EPB41L2: variants seen among roughly 807,000 people sequenced by gnomAD.
EPB41L2 encodes the protein erythrocyte membrane protein band 4.1 like 2.
A neutral mutation model predicts 113.0 loss-of-function variants in EPB41L2; 43 were observed. That is an observed-to-expected ratio of 0.38 (90% CI 0.30 to 0.49). The LOEUF (loss-of-function observed/expected upper bound fraction) is 0.49. EPB41L2 is among the 20% of genes least tolerant of loss of function. The pLI is 0.95. For missense variants in EPB41L2, 1,147 were observed against 1,223.4 expected (o/e 0.94, Z 0.93); for synonymous variants, 442 against 436.7 (o/e 1.01, Z -0.15).
intron 18 of EPB41L2, among the ~76,000 whole-genome samples, chr6:130,860,830 G>A (rs988164672): frequency 2.0e-5 from 3 of 151,448 alleles, no homozygotes; most frequent in African/African-American, 4.9e-5. Flanking sequence ...CACCGCGCCC[G>A]GCTCTTACTG....
intron 1 of EPB41L2, among the ~76,000 whole-genome samples, chr6:131,052,518 A>G (rs1251795605): frequency 1.3e-5 from 2 of 152,248 alleles, no homozygotes; most frequent in African/African-American, 4.8e-5. Flanking sequence ...AGTTTCTAAC[A>G]TAGTTTAAAG....
rs1250245857 is a variant in EPB41L2, at chr6:130,899,483, T to C, written c.1236+8A>G. On this transcript the variant is annotated splice_region_variant and intron_variant, in intron 8 of 19. Coordinates refer to ENST00000337057, the MANE Select transcript of EPB41L2 (RefSeq NM_001431.4). ...CTATGATGCTACTCCCCGTTACATT[T>C]ACAGTACCTTGGCATGATGTAGGTC... 2 of 1,611,932 alleles carry C rather than the reference T, an allele frequency of 1.2e-6. No homozygotes were observed. Among genetic ancestry groups the C allele is most frequent in the Non-Finnish European group, 1.7e-6 (2 of 1,178,028 alleles).
chr6:130,886,726 T>C (rs1038643907), intron 11 of EPB41L2, among the ~76,000 whole-genome samples: 3 of 152,122 alleles, frequency 2.0e-5, no homozygotes, highest in African/African-American at 7.2e-5. Context: ...CTCCATTTCC[T>C]AGGTTCAAGC....
At chr6:130,941,456 T>C (rs1223130230) in intron 3 of EPB41L2, among the ~76,000 whole-genome samples, 2 of 152,232 alleles carry the variant, frequency 1.3e-5, no homozygotes, top group Non-Finnish European at 2.9e-5. Flanking sequence ...AAGCACCATA[T>C]TTCCATGAAA....
At chr6:130,888,437 C>T (rs1791742741) in intron 11 of EPB41L2, among the ~76,000 whole-genome samples, 1 of 152,128 alleles carries the variant, frequency 6.6e-6, no homozygotes. Flanking sequence ...CTCCTGTAAC[C>T]CTCTGCACTA....
intron 8 of EPB41L2, among the ~76,000 whole-genome samples, chr6:130,897,067 A>C (rs2128490686): frequency 6.6e-6 from 1 of 152,228 alleles, no homozygotes; most frequent in African/African-American, 2.4e-5. Flanking sequence ...TCCTTCAGAC[A>C]GACCTAGAGA....
At chr6:130,981,319 G>A (rs1456614163) in intron 1 of EPB41L2, among the ~76,000 whole-genome samples, 1 of 152,134 alleles carries the variant, frequency 6.6e-6, no homozygotes, top group African/African-American at 2.4e-5. Flanking sequence ...AAAGTTTGGG[G>A]AGGGGTGTTT....
At chr6:131,014,971 G>C (rs1787859282) in intron 1 of EPB41L2, among the ~76,000 whole-genome samples, 1 of 152,206 alleles carries the variant, frequency 6.6e-6, no homozygotes, top group African/African-American at 2.4e-5. Flanking sequence ...GGTAGGTAAA[G>C]AGACCTGCTT....
At chr6:130,950,726 G>T (rs1372175790) in intron 3 of EPB41L2, among the ~76,000 whole-genome samples, 1 of 152,006 alleles carries the variant, frequency 6.6e-6, no homozygotes, top group Non-Finnish European at 1.5e-5. Flanking sequence ...AAGACAATTC[G>T]ATAAAAGAAA....
intron 3 of EPB41L2, among the ~76,000 whole-genome samples, chr6:130,947,876 T>A (rs1562558690): frequency 6.6e-6 from 1 of 152,206 alleles, no homozygotes; most frequent in South Asian, 2.1e-4. Context: ...ATTTATAACT[T>A]CTGCATTGTT....
At chr6:131,033,711 T>A (rs1313981694) in intron 1 of EPB41L2, among the ~76,000 whole-genome samples, 1 of 152,236 alleles carries the variant, frequency 6.6e-6, no homozygotes, top group Non-Finnish European at 1.5e-5. Flanking sequence ...ATGATTCCAC[T>A]TTTATGAAGT....
chr6:130,977,914 G>T (rs991467063), intron 1 of EPB41L2, among the ~76,000 whole-genome samples: 1 of 152,134 alleles, frequency 6.6e-6, no homozygotes. Flanking sequence ...TGGTCAAAAG[G>T]TTCATCTACG....
chr6:131,006,815 C>T (rs990957342), intron 1 of EPB41L2, among the ~76,000 whole-genome samples: 1 of 152,182 alleles, frequency 6.6e-6, no homozygotes, highest in Admixed American at 6.5e-5. Flanking sequence ...TCATGCACCC[C>T]GACCTCTGAA....
At chr6:130,958,761 TAATG>T (rs1206128028) in intron 1 of EPB41L2, among the ~76,000 whole-genome samples, 2 of 152,120 alleles carry the variant, frequency 1.3e-5, no homozygotes, top group Non-Finnish European at 2.9e-5. Context: ...GAACTGGTAA[TAATG>T]AAGTAAGAAA....
chr6:130,930,856 A>G (rs1158374533), intron 3 of EPB41L2, among the ~76,000 whole-genome samples: 1 of 152,220 alleles, frequency 6.6e-6, no homozygotes, highest in South Asian at 2.1e-4. Context: ...ATATTTTAAA[A>G]TATGACTAAG....
In EPB41L2 at chr6:131,022,997, T is replaced by C. The variant is rs1302651778; in HGVS notation, c.-15+40158A>G. Reference sequence around the variant, plus strand: ...ACCACCTTATTTCCGTTACCTACAATATTGCTTGGCATCAATATATGTTTG... The same window carrying C: ...ACCACCTTATTTCCGTTACCTACAACATTGCTTGGCATCAATATATGTTTG... On this transcript the variant is annotated intron_variant, in intron 1 of 19. Transcript: ENST00000337057. Among the ~76,000 whole-genome samples, 3 of 152,172 alleles carry C rather than the reference T, an allele frequency of 2.0e-5. No individual in the cohort carries two copies. The East Asian group carries it at 5.8e-4, about 29-fold the overall frequency.
intron 1 of EPB41L2, among the ~76,000 whole-genome samples, chr6:131,009,701 A>AG (rs2128723649): frequency 6.7e-6 from 1 of 150,102 alleles, no homozygotes; most frequent in East Asian, 2.0e-4. Context: ...CTAGTCATTT[A>AG]GAAAAAAAAG....
chr6:131,025,397 C>T (rs1333225694), intron 1 of EPB41L2, among the ~76,000 whole-genome samples: 4 of 152,076 alleles, frequency 2.6e-5, no homozygotes, highest in African/African-American at 9.7e-5. Flanking sequence ...TTTAAAGATG[C>T]TCAGAAAAAA....
chr6:130,970,283 G>T (rs189589456), intron 1 of EPB41L2: 2 of 152,038 alleles, frequency 1.3e-5, no homozygotes, highest in South Asian at 2.1e-4. Flanking sequence ...AAATACATAC[G>T]CAGCTTTTAA....
Sources: gnomAD v4.1 joint callset for allele counts (sites outside exome capture counted in the v4.1 genomes callset) on GRCh38, gnomAD v4.1.1 for gene constraint, MANE v1.5 for transcripts, NCBI Gene and HGNC (gene_info 2026-07-23, HGNC 2026-07-21) for gene names.